ZNF713: variants seen among roughly 807,000 people sequenced by gnomAD.
The protein encoded by ZNF713 is zinc finger protein 713.
ZNF713 carries 21 observed loss-of-function variants against 28.7 expected under a neutral mutation model. That is an observed-to-expected ratio of 0.73 (90% CI 0.52 to 1.05). The LOEUF (loss-of-function observed/expected upper bound fraction) is 1.05, where lower values mean the gene tolerates loss of function less well. Among genes scored for constraint, ZNF713 ranks in the 50% least tolerant of loss-of-function variants. The pLI, the probability that ZNF713 is intolerant of heterozygous loss-of-function variation, is 0.00. For synonymous variants in ZNF713, 167 were observed against 178.0 expected, an observed-to-expected ratio of 0.94 and a Z score of 0.49; for missense variants, 458 against 532.4, an observed-to-expected ratio of 0.86 and a Z score of 1.37.
intron 4 of ZNF713, among the ~76,000 whole-genome samples, chr7:55,918,886 C>T (rs1389574055): frequency 6.6e-6 from 1 of 151,886 alleles, no homozygotes; most frequent in Non-Finnish European, 1.5e-5. Context: ...CCCAGGTACT[C>T]AAGAGGCTGA....
intron 4 of ZNF713, among the ~76,000 whole-genome samples, chr7:55,916,799 A>G (rs1225440170): frequency 6.6e-6 from 1 of 152,250 alleles, no homozygotes; most frequent in African/African-American, 2.4e-5. Flanking sequence ...TGGATCAAAT[A>G]TTTAAATATG....
chr7:55,897,561 A>G (rs1785496836), intron 1 of ZNF713, among the ~76,000 whole-genome samples: 2 of 152,126 alleles, frequency 1.3e-5, no homozygotes, highest in African/African-American at 4.8e-5. Flanking sequence ...GATTACAAGC[A>G]TACAAGCATG....
At chr7:55,894,809 G>T (rs926752620) in intron 1 of ZNF713, among the ~76,000 whole-genome samples, 1 of 152,156 alleles carries the variant, frequency 6.6e-6, no homozygotes, top group African/African-American at 2.4e-5. Context: ...AATCTATTAA[G>T]AAAATGAATG....
chr7:55,922,320 C>T (rs1169465011), intron 4 of ZNF713, among the ~76,000 whole-genome samples: 2 of 152,058 alleles, frequency 1.3e-5, no homozygotes, highest in African/African-American at 4.8e-5. Context: ...GCGGGCAGAT[C>T]ATAAGGTCAA....
intron 1 of ZNF713, among the ~76,000 whole-genome samples, chr7:55,891,541 C>T (rs112632994): frequency 7.6e-6 from 1 of 131,014 alleles, no homozygotes; most frequent in Non-Finnish European, 1.6e-5. Flanking sequence ...ACAACAACAA[C>T]AAAAAGCCAC....
At chr7:55,935,115 T>C (rs1319257425) in intron 6 of ZNF713, among the ~76,000 whole-genome samples, 1 of 151,948 alleles carries the variant, frequency 6.6e-6, no homozygotes, top group Non-Finnish European at 1.5e-5. Flanking sequence ...GGTCTTGAAC[T>C]CCTGACCTCA....
intron 1 of ZNF713, among the ~76,000 whole-genome samples, chr7:55,897,674 C>G (rs903279105): frequency 3.9e-5 from 6 of 152,116 alleles, no homozygotes; most frequent in Non-Finnish European, 7.3e-5. Flanking sequence ...ATAGAGCAAC[C>G]TGGTAGACAC....
At chr7:55,896,174 A>G (rs1785468531) in intron 1 of ZNF713, among the ~76,000 whole-genome samples, 1 of 152,220 alleles carries the variant, frequency 6.6e-6, no homozygotes, top group Non-Finnish European at 1.5e-5. Flanking sequence ...GAGAATAAAT[A>G]CAATAAAAAA....
chr7:55,931,941 A>G (rs1786218101), intron 6 of ZNF713, among the ~76,000 whole-genome samples: 1 of 152,204 alleles, frequency 6.6e-6, no homozygotes, highest in African/African-American at 2.4e-5. Context: ...ATTCAGTGCT[A>G]AGAGACGTGA....
At chr7:55,907,971 G>C (rs1785711750) in intron 2 of ZNF713, among the ~76,000 whole-genome samples, 1 of 151,840 alleles carries the variant, frequency 6.6e-6, no homozygotes, top group South Asian at 2.1e-4. Flanking sequence ...CTCTGGATAG[G>C]TACCCAGTAG....
In ZNF713 at chr7:55,910,860, C is replaced by T. The variant is rs567000069; in HGVS notation, c.-455-756C>T. ...GTTCCAGTACTCTTCCCTCAGCCTT[C>T]CCCTCCAGCCACGGTCATTCTCACC... On this transcript the variant is annotated intron_variant, in intron 2 of 6. Transcript: ENST00000429591. 2.0e-5 allele frequency among the ~76,000 whole-genome samples: 3 copies of T among 152,326 alleles called. No individual in the cohort carries two copies. The South Asian group carries it at 6.2e-4, about 32-fold the overall frequency.
chr7:55,892,485 A>G (rs1160120047), intron 1 of ZNF713, among the ~76,000 whole-genome samples: 1 of 149,826 alleles, frequency 6.7e-6, no homozygotes, highest in Non-Finnish European at 1.5e-5. Context: ...AGAAAAGCAT[A>G]ACAAGTTTAT....
intron 1 of ZNF713, among the ~76,000 whole-genome samples, chr7:55,903,367 A>C (rs930629672): frequency 6.8e-6 from 1 of 146,506 alleles, no homozygotes; most frequent in African/African-American, 2.5e-5. Flanking sequence ...ACAGTGATTT[A>C]AAAAAAAAAA....
chr7:55,898,334 T>C (rs1443394983), intron 1 of ZNF713, among the ~76,000 whole-genome samples: 1 of 152,178 alleles, frequency 6.6e-6, no homozygotes, highest in Non-Finnish European at 1.5e-5. Flanking sequence ...ACATCTGATA[T>C]GGGACTGTAT....
intron 1 of ZNF713, 123 bp downstream of exon 1, chr7:55,887,803 G>GAGGCGGCGGGCGGGAGGCGGC (rs1294387368): frequency 1.3e-4 from 1 of 7,576 alleles, no homozygotes; most frequent in Non-Finnish European, 2.9e-4. Flanking sequence ...GCGGAGGCGG[G>GAGGCGGCGGGCGGGAGGCGGC]GGGCGGCGGG....
intron 1 of ZNF713, among the ~76,000 whole-genome samples, chr7:55,889,955 T>G (rs776873723): frequency 5.3e-5 from 8 of 152,164 alleles, no homozygotes; most frequent in Non-Finnish European, 1.0e-4. Flanking sequence ...CTCACAGTTC[T>G]AGAGGTGGGA....
chr7:55,901,651 A>C (rs1316746709), intron 1 of ZNF713, among the ~76,000 whole-genome samples: 2 of 152,226 alleles, frequency 1.3e-5, no homozygotes, highest in African/African-American at 4.8e-5. Context: ...CAGGTGCTGG[A>C]GGTTGCCATG....
intron 6 of ZNF713, among the ~76,000 whole-genome samples, chr7:55,936,364 G>A (rs1786346116): frequency 6.6e-6 from 1 of 152,080 alleles, no homozygotes; most frequent in African/African-American, 2.4e-5. Flanking sequence ...GAGGGAAGAG[G>A]TAGAAGGATG....
chr7:55,891,579 G>T (rs1179529400), intron 1 of ZNF713, among the ~76,000 whole-genome samples: 1 of 152,084 alleles, frequency 6.6e-6, no homozygotes, highest in South Asian at 2.1e-4. Flanking sequence ...TGTGGTCCCA[G>T]CTACTGGGAA....
Sources: gnomAD v4.1 joint callset for allele counts (sites outside exome capture counted in the v4.1 genomes callset) on GRCh38, gnomAD v4.1.1 for gene constraint, MANE v1.5 for transcripts, NCBI Gene and HGNC (gene_info 2026-07-23, HGNC 2026-07-21) for gene names.